The following ANKRD55 variants were observed in gnomAD, a reference collection of about 807,000 sequenced individuals.
The protein encoded by ANKRD55 is ankyrin repeat domain 55.
A neutral mutation model predicts 60.6 loss-of-function variants in ANKRD55; 41 were observed. The observed-to-expected ratio is 0.68, with a 90% CI of 0.53 to 0.88. The LOEUF (loss-of-function observed/expected upper bound fraction) is 0.88. Among genes scored for constraint, ANKRD55 ranks in the 40% least tolerant of loss-of-function variants. The pLI is 0.00. For missense variants in ANKRD55, 732 were observed against 767.6 expected, an observed-to-expected ratio of 0.95 and a Z score of 0.55; for synonymous variants, 264 against 290.3, an observed-to-expected ratio of 0.91 and a Z score of 0.92.
At chr5:56,167,966 A>G (rs1017035886) in intron 5 of ANKRD55, among the ~76,000 whole-genome samples, 1 of 152,232 alleles carries the variant, frequency 6.6e-6, no homozygotes, top group Non-Finnish European at 1.5e-5. Context: ...TTGACTGACA[A>G]GGCTTAGTTT....
At chr5:56,113,272 T>C (rs998710766) in intron 9 of ANKRD55, among the ~76,000 whole-genome samples, 1 of 152,156 alleles carries the variant, frequency 6.6e-6, no homozygotes, top group Non-Finnish European at 1.5e-5. Context: ...CTGCCTTGCA[T>C]CGATGGTGCA....
chr5:56,168,611 A>G (rs1203285498), intron 5 of ANKRD55, among the ~76,000 whole-genome samples: 2 of 152,196 alleles, frequency 1.3e-5, no homozygotes, highest in Non-Finnish European at 2.9e-5. Flanking sequence ...GAGGAAAAAA[A>G]CATAGCATAT....
At chr5:56,134,609 T>A (rs571455417) in intron 7 of ANKRD55, among the ~76,000 whole-genome samples, 2 of 151,168 alleles carry the variant, frequency 1.3e-5, no homozygotes, top group Non-Finnish European at 2.9e-5. Flanking sequence ...ATAAATTGAA[T>A]AAATAATTAA....
At chr5:56,214,729 C>T (rs999575927) in intron 2 of ANKRD55, among the ~76,000 whole-genome samples, 7 of 152,144 alleles carry the variant, frequency 4.6e-5, no homozygotes, top group African/African-American at 1.7e-4. Flanking sequence ...CCTTCTAATT[C>T]TAAAGGGACT....
intron 7 of ANKRD55, among the ~76,000 whole-genome samples, chr5:56,140,003 T>G (rs1757714552): frequency 6.6e-6 from 1 of 152,148 alleles, no homozygotes; most frequent in African/African-American, 2.4e-5. Flanking sequence ...AGGGTAAAAC[T>G]TAGTTTACCT....
chr5:56,145,782 A>T (rs1381731087), intron 6 of ANKRD55, among the ~76,000 whole-genome samples: 1 of 152,202 alleles, frequency 6.6e-6, no homozygotes, highest in Non-Finnish European at 1.5e-5. Context: ...GTTTGCTTTC[A>T]AGTTTCAAGT....
chr5:56,230,111 T>C (rs140459694), intron 2 of ANKRD55, among the ~76,000 whole-genome samples: 3 of 152,284 alleles, frequency 2.0e-5, no homozygotes, highest in Non-Finnish European at 4.4e-5. Flanking sequence ...TTTTTCTTTT[T>C]TTTGAGACAG....
At chr5:56,185,229 AAAC>A (rs906167073) in intron 2 of ANKRD55, among the ~76,000 whole-genome samples, 1 of 151,924 alleles carries the variant, frequency 6.6e-6, no homozygotes, top group East Asian at 1.9e-4. Context: ...TCTCAAAACA[AAAC>A]AACAACAACA....
chr5:56,169,003 C>T (rs1758547766), intron 5 of ANKRD55, among the ~76,000 whole-genome samples: 1 of 152,210 alleles, frequency 6.6e-6, no homozygotes, highest in South Asian at 2.1e-4. Flanking sequence ...CTTACAGGCA[C>T]TCACCACCAC....
chr5:56,182,467 A>G (rs1287587600), intron 3 of ANKRD55, among the ~76,000 whole-genome samples: 1 of 151,884 alleles, frequency 6.6e-6, no homozygotes, highest in African/African-American at 2.4e-5. Context: ...CTTTGCTGAG[A>G]CTTTCTATTT....
intron 2 of ANKRD55, among the ~76,000 whole-genome samples, chr5:56,185,032 C>A (rs1476783773): frequency 6.6e-6 from 1 of 151,940 alleles, no homozygotes; most frequent in Non-Finnish European, 1.5e-5. Context: ...ACCAGCCTGG[C>A]CAATGTGGAG....
At chr5:56,117,141 C>T (rs1477056684) in intron 8 of ANKRD55, among the ~76,000 whole-genome samples, 2 of 152,218 alleles carry the variant, frequency 1.3e-5, no homozygotes, top group South Asian at 2.1e-4. Context: ...TATGTTTCTC[C>T]TCCTTCTGTA....
intron 4 of ANKRD55, among the ~76,000 whole-genome samples, chr5:56,172,738 T>A (rs921955151): frequency 6.0e-5 from 9 of 150,970 alleles, no homozygotes; most frequent in African/African-American, 2.0e-4. Flanking sequence ...ATTTTTTTTT[T>A]ATTACGTGTT....
intron 8 of ANKRD55, among the ~76,000 whole-genome samples, chr5:56,124,826 C>G (rs1470732322): frequency 6.6e-6 from 1 of 152,088 alleles, no homozygotes; most frequent in Admixed American, 6.6e-5. Context: ...CAACTATTAA[C>G]AGAAGCTTAT....
chr5:56,151,675 T>C lies in ANKRD55; in HGVS notation c.484-7746A>G, dbSNP rs544928402. Among the ~76,000 whole-genome samples the C allele has an allele frequency of 3.3e-5, 5 of 152,008 alleles. No homozygotes were observed. The East Asian group carries it at 7.7e-4, about 24-fold the overall frequency. ...AAAAAATACAAAAATTAACCGGGCA[T>C]GGTGGCAGGCACCTGTAATCCCAGC... On this transcript the variant is annotated intron_variant, in intron 6 of 11. Coordinates refer to ENST00000341048, the MANE Select transcript of ANKRD55 (RefSeq NM_024669.3).
rs756431930 is a variant in ANKRD55, at chr5:56,135,665, G to A, written c.612+8136C>T. Among the ~76,000 whole-genome samples, 8 of 152,056 alleles carry A rather than the reference G, an allele frequency of 5.3e-5. No individual in the cohort carries two copies. In the East Asian group the frequency reaches 7.7e-4, roughly 15 times the overall value. On this transcript the variant is annotated intron_variant, in intron 7 of 11. Coordinates refer to ENST00000341048, the MANE Select transcript of ANKRD55 (RefSeq NM_024669.3). ...ATTACAGGCGTGAGCCACTGTACCC[G>A]GTTCCACCACCTCTTTTCAATATTA...
intron 2 of ANKRD55, chr5:56,193,440 T>A: frequency 3.7e-6 from 2 of 540,320 alleles, no homozygotes; most frequent in Non-Finnish European, 6.8e-6. Context: ...TAGAGGGTCC[T>A]GGTTGCTGTT....
chr5:56,118,741 C>T lies in ANKRD55; in HGVS notation c.798-1959G>A, dbSNP rs71624116. 1.2e-3 allele frequency among the ~76,000 whole-genome samples: 176 copies of T among 152,178 alleles called. 2 individuals carry two copies. Among genetic ancestry groups the T allele is most frequent in the Non-Finnish European group, 1.8e-3 (125 of 68,012 alleles). On this transcript the variant is annotated intron_variant, in intron 8 of 11. Transcript: ENST00000341048. ...TAGCAAAAGATCAGAATAGACATTT[C>T]GTCAAAGAAGATATATGGATGGTAA...
intron 8 of ANKRD55, among the ~76,000 whole-genome samples, chr5:56,122,868 C>T (rs1347073125): frequency 6.6e-6 from 1 of 151,414 alleles, no homozygotes; most frequent in African/African-American, 2.4e-5. Context: ...TGGGCTCAAG[C>T]AATCCTCACA....
Sources: allele counts gnomAD v4.1 joint callset (sites outside exome capture counted in the v4.1 genomes callset), GRCh38; gene constraint gnomAD v4.1.1; transcripts MANE v1.5; gene names NCBI Gene and HGNC (gene_info 2026-07-23, HGNC 2026-07-21).